Variants in NCAM1 observed in about 807,000 individuals in gnomAD.
NCAM1 encodes antigen recognized by monoclonal antibody 5.1H11.
A neutral mutation model predicts 109.8 loss-of-function variants in NCAM1; 14 were observed. The ratio of observed to expected loss-of-function variants is 0.13; its 90% CI spans 0.08 to 0.20. The LOEUF (loss-of-function observed/expected upper bound fraction) is 0.20, where lower values mean the gene tolerates loss of function less well. NCAM1 is among the 10% of genes least tolerant of loss of function. The pLI is 1.00. For missense variants in NCAM1, 774 were observed against 1,109.9 expected, an observed-to-expected ratio of 0.70 and a Z score of 4.30; for synonymous variants, 418 against 442.9, an observed-to-expected ratio of 0.94 and a Z score of 0.70.
At chr11:112,967,361 TG>T (rs1950754337) in intron 1 of NCAM1, among the ~76,000 whole-genome samples, 1 of 152,184 alleles carries the variant, frequency 6.6e-6, no homozygotes, top group African/African-American at 2.4e-5. Context: ...ATCTGCTCTG[TG>T]GGGAATTAAA....
chr11:113,033,436 G>C (rs2135365097), intron 1 of NCAM1, among the ~76,000 whole-genome samples: 1 of 152,294 alleles, frequency 6.6e-6, no homozygotes, highest in Admixed American at 6.5e-5. Context: ...ACAGAATGAA[G>C]ACTGATGAAA....
intron 9 of NCAM1, among the ~76,000 whole-genome samples, chr11:113,230,580 C>G (rs1555117028): frequency 6.6e-6 from 1 of 152,184 alleles, no homozygotes; most frequent in Non-Finnish European, 1.5e-5. Flanking sequence ...GGGCCCCAAA[C>G]CAGCATATCC....
At chr11:113,135,430 G>T (rs1241657028) in intron 1 of NCAM1, among the ~76,000 whole-genome samples, 1 of 152,156 alleles carries the variant, frequency 6.6e-6, no homozygotes, top group Non-Finnish European at 1.5e-5. Context: ...TTGAGCATGG[G>T]AAGTGCGATG....
intron 1 of NCAM1, among the ~76,000 whole-genome samples, chr11:113,172,402 T>G (rs781969262): frequency 3.3e-5 from 5 of 152,118 alleles, no homozygotes; most frequent in Non-Finnish European, 5.9e-5. Flanking sequence ...CCCCCTCCCC[T>G]CCAACTGATC....
chr11:113,118,348 G>A (rs993679328), intron 1 of NCAM1, among the ~76,000 whole-genome samples: 5 of 151,874 alleles, frequency 3.3e-5, no homozygotes, highest in Non-Finnish European at 7.3e-5. Flanking sequence ...TGAGATGCAT[G>A]TAATTGACAA....
chr11:113,192,789 G>C (rs1453688315), intron 1 of NCAM1, among the ~76,000 whole-genome samples: 2 of 152,146 alleles, frequency 1.3e-5, no homozygotes, highest in Admixed American at 6.5e-5. Flanking sequence ...TTCTGTTCCT[G>C]GTGTTTTCCT....
chr11:113,169,036 C>CTGTGTGTGTGTG (rs10562516), intron 1 of NCAM1, among the ~76,000 whole-genome samples: 2 of 146,790 alleles, frequency 1.4e-5, no homozygotes, highest in African/African-American at 2.5e-5. Context: ...CTTCCTCTTT[C>CTGTGTGTGTGTG]TGTGTGTGTG....
chr11:113,004,076 A>G (rs563835038), intron 1 of NCAM1, among the ~76,000 whole-genome samples: 41 of 152,250 alleles, frequency 2.7e-4, no homozygotes, highest in Admixed American at 5.2e-4. Flanking sequence ...TGGAAAAACA[A>G]TTAGATGCGT....
At chr11:113,100,903 A>C (rs1565436564) in intron 1 of NCAM1, among the ~76,000 whole-genome samples, 1 of 152,100 alleles carries the variant, frequency 6.6e-6, no homozygotes, top group Non-Finnish European at 1.5e-5. Context: ...TGTCAGTATC[A>C]CTGTGGCCAC....
chr11:113,016,909 A>T (rs1555075343), intron 1 of NCAM1, among the ~76,000 whole-genome samples: 2 of 152,236 alleles, frequency 1.3e-5, no homozygotes, highest in African/African-American at 2.4e-5. Flanking sequence ...CACCCATAAA[A>T]GTCTCTGCTT....
At chr11:113,175,797 G>A (rs1943126594) in intron 1 of NCAM1, among the ~76,000 whole-genome samples, 1 of 152,052 alleles carries the variant, frequency 6.6e-6, no homozygotes, top group Non-Finnish European at 1.5e-5. Flanking sequence ...TTATGCACAT[G>A]TATAATTATG....
intron 1 of NCAM1, among the ~76,000 whole-genome samples, chr11:112,989,465 A>G (rs1283700189): frequency 1.3e-5 from 2 of 151,628 alleles, no homozygotes; most frequent in African/African-American, 4.8e-5. Flanking sequence ...GTTCTTTTTT[A>G]TTTTATGTTT....
intron 1 of NCAM1, among the ~76,000 whole-genome samples, chr11:113,150,817 A>G (rs1247504208): frequency 1.3e-5 from 2 of 152,172 alleles, no homozygotes; most frequent in East Asian, 3.9e-4. Context: ...GTTTGAGTGG[A>G]TTCAGGATAG....
At chr11:112,981,486 C>A (rs1555068748) in intron 1 of NCAM1, among the ~76,000 whole-genome samples, 1 of 151,794 alleles carries the variant, frequency 6.6e-6, no homozygotes, top group African/African-American at 2.4e-5. Context: ...TTGTGTTGGG[C>A]TAACACCACA....
intron 1 of NCAM1, among the ~76,000 whole-genome samples, chr11:113,094,860 A>G (rs1939521907): frequency 6.6e-6 from 1 of 152,254 alleles, no homozygotes; most frequent in East Asian, 1.9e-4. Context: ...CATTGACAAG[A>G]ACGAAAAATG....
chr11:113,251,302 C>T (rs879949784), intron 15 of NCAM1, among the ~76,000 whole-genome samples: 24 of 152,230 alleles, frequency 1.6e-4, no homozygotes, highest in Admixed American at 1.6e-3. Context: ...AGTTTTCTAA[C>T]TCCTGGGGCT....
At chr11:113,071,055 G>A (rs1320849911) in intron 1 of NCAM1, among the ~76,000 whole-genome samples, 1 of 152,112 alleles carries the variant, frequency 6.6e-6, no homozygotes, top group Non-Finnish European at 1.5e-5. Context: ...AGAGATGAGG[G>A]CTGAAGAACT....
At chr11:113,161,881 AG>A (rs1942611379) in intron 1 of NCAM1, among the ~76,000 whole-genome samples, 1 of 152,160 alleles carries the variant, frequency 6.6e-6, no homozygotes, top group Non-Finnish European at 1.5e-5. Flanking sequence ...CTTCTATGCC[AG>A]GGAGCAGCTG....
intron 1 of NCAM1, among the ~76,000 whole-genome samples, chr11:113,139,381 G>T (rs1437161449): frequency 6.6e-6 from 1 of 151,720 alleles, no homozygotes; most frequent in Non-Finnish European, 1.5e-5. Flanking sequence ...TATTATTTGG[G>T]CATTGATTTT....
Sources: gnomAD v4.1 joint callset for allele counts (sites outside exome capture counted in the v4.1 genomes callset) on GRCh38, gnomAD v4.1.1 for gene constraint, MANE v1.5 for transcripts, NCBI Gene and HGNC (gene_info 2026-07-23, HGNC 2026-07-21) for gene names.